The following SLC45A3 variants were observed in gnomAD, a reference collection of about 807,000 sequenced individuals.
SLC45A3 encodes prostate cancer associated protein 2.
Under a neutral mutation model 35.3 loss-of-function variants are expected in SLC45A3, and 17 were observed. The ratio of observed to expected loss-of-function variants is 0.48; its 90% CI spans 0.33 to 0.72. The LOEUF is 0.72. Among genes scored for constraint, SLC45A3 ranks in the 30% least tolerant of loss-of-function variants. The pLI is 0.02. For missense variants in SLC45A3, 597 were observed against 731.7 expected (o/e 0.82, Z 2.12); for synonymous variants, 288 against 334.3 (o/e 0.86, Z 1.51).
chr1:205,662,601 A>T lies in SLC45A3; in HGVS notation c.958+232T>A. On this transcript the variant is annotated intron_variant, in intron 3 of 4. Coordinates refer to ENST00000367145, the MANE Select transcript of SLC45A3 (RefSeq NM_033102.3). The surrounding 1 kb of genome is among the most constrained non-coding windows in gnomAD (Gnocchi z 6.2). Reference sequence around the variant, plus strand: ...TAAGCTCCGCCTTTCCTTCTGTCAAACTGGGGCAACGACTCTGATCAGACT... The same window carrying T: ...TAAGCTCCGCCTTTCCTTCTGTCAATCTGGGGCAACGACTCTGATCAGACT... 6 of 1,333,756 alleles carry T rather than the reference A, an allele frequency of 4.5e-6. No homozygotes were observed. Among genetic ancestry groups the T allele is most frequent in the Non-Finnish European group, 5.7e-6 (6 of 1,046,932 alleles). The allele number at this position is 1,333,756 out of a possible 1,614,324, so 82.6% of individuals were successfully genotyped here. A position where few individuals can be genotyped will look rare whatever the true frequency, so the allele number is the denominator to read the frequency against.
At position 205,658,482 on chromosome 1, in the gene SLC45A3, G is replaced by A. The variant is rs982527227; in HGVS notation, c.*752C>T. ...ACCAGCTATCTCAGGGGACCTGATTGTTGGGGATCCCCCACCCTACCCAAA... is the reference window on the plus strand; with the variant it reads ...ACCAGCTATCTCAGGGGACCTGATTATTGGGGATCCCCCACCCTACCCAAA... On this transcript the variant is annotated 3_prime_UTR_variant, in exon 5 of 5. Coordinates refer to ENST00000367145, the MANE Select transcript of SLC45A3 (RefSeq NM_033102.3). 3.0e-5 allele frequency: 7 copies of A among 233,066 alleles called. No homozygotes were observed. Among genetic ancestry groups the A allele is most frequent in the South Asian group, 1.8e-4 (1 of 5,522 alleles). 14.4% of individuals were successfully genotyped at this position (233,066 alleles called of 1,614,324 possible). A position where few individuals can be genotyped will look rare whatever the true frequency, so the allele number is the denominator to read the frequency against.
intron 1 of SLC45A3, among the ~76,000 whole-genome samples, chr1:205,671,679 G>A (rs1671216563): frequency 6.6e-6 from 1 of 152,140 alleles, no homozygotes; most frequent in African/African-American, 2.4e-5. Flanking sequence ...GGCCAAAATG[G>A]TGAAACCCCG....
chr1:205,676,680 G>A (rs750802840), intron 1 of SLC45A3, among the ~76,000 whole-genome samples: 1 of 152,186 alleles, frequency 6.6e-6, no homozygotes, highest in Non-Finnish European at 1.5e-5. Flanking sequence ...ACTTCTTCCC[G>A]TGGAGGGGAA....
intron 1 of SLC45A3, among the ~76,000 whole-genome samples, chr1:205,678,129 C>T (rs540864583): frequency 6.6e-6 from 1 of 152,156 alleles, no homozygotes; most frequent in East Asian, 1.9e-4. Flanking sequence ...CAAGCCTGGC[C>T]AACATGGTAA....
intron 1 of SLC45A3, among the ~76,000 whole-genome samples, chr1:205,668,138 C>T (rs1044962383): frequency 3.3e-5 from 5 of 152,122 alleles, no homozygotes; most frequent in Admixed American, 6.5e-5. Context: ...CTTCCCAGCC[C>T]GGAATTGCCT....
In SLC45A3 at chr1:205,667,205, C is replaced by G. The variant is rs146796133; in HGVS notation, c.-230-2319G>C. 9.8e-4 allele frequency among the ~76,000 whole-genome samples: 149 copies of G among 151,704 alleles called. 2 individuals are homozygous for G. The East Asian group carries it at 0.025, about 26-fold the overall frequency. ...GCAACATAGAAAGACCCTGTTTCTA[C>G]AAAAATAAAAATAAAATAGGCCAGG... On this transcript the variant is annotated intron_variant, in intron 1 of 4. Coordinates refer to ENST00000367145, the MANE Select transcript of SLC45A3 (RefSeq NM_033102.3).
At chr1:205,667,206 A>C (rs4951018) in intron 1 of SLC45A3, among the ~76,000 whole-genome samples, 32,456 of 152,046 alleles carry the variant, frequency 0.21, 3,908 homozygotes, top group East Asian at 0.35. Context: ...CTGTTTCTAC[A>C]AAAATAAAAA....
Position 205,670,942 on chromosome 1 carries a change from A to G in SLC45A3, c.-230-6056T>C, listed in dbSNP as rs531643003. On this transcript the variant is annotated intron_variant, in intron 1 of 4. Transcript: ENST00000367145. The stretch of plus-strand genomic sequence containing the variant: ...GGCTCCCTCCCCCCACTCACCCCCA[A>G]TGTGTGAAAACCCAACAGGTGGCTG... 7.2e-4 allele frequency among the ~76,000 whole-genome samples: 110 copies of G among 152,262 alleles called. 1 individual carries two copies. The highest frequency in any genetic ancestry group is 1.1e-3 in the Admixed American group (17 of 15,298).
chr1:205,679,461 C>T (rs547990309), intron 1 of SLC45A3, among the ~76,000 whole-genome samples: 39 of 152,246 alleles, frequency 2.6e-4, no homozygotes, highest in Admixed American at 8.5e-4. Flanking sequence ...AGGCCTGACC[C>T]GCACTAGGGA....
chr1:205,678,884 A>C (rs1671353996), intron 1 of SLC45A3, among the ~76,000 whole-genome samples: 2 of 152,144 alleles, frequency 1.3e-5, no homozygotes, highest in Admixed American at 6.6e-5. Context: ...CTTATCCCCT[A>C]CAATATGCTG....
In SLC45A3 at chr1:205,669,154, G is replaced by A. The variant is rs1002750742; in HGVS notation, c.-230-4268C>T. ...TCCTCCCACGTGCTCGCCACACACC[G>A]AGGACTTTGCAGGCCCAACTCCAGA... On this transcript the variant is annotated intron_variant, in intron 1 of 4. Coordinates refer to ENST00000367145, the MANE Select transcript of SLC45A3 (RefSeq NM_033102.3). The surrounding 1 kb of genome is among the most constrained non-coding windows in gnomAD (Gnocchi z 4.1). Among the ~76,000 whole-genome samples the A allele has an allele frequency of 1.3e-5, 2 of 152,182 alleles. No homozygotes were observed. The highest frequency in any genetic ancestry group is 1.3e-4 in the Admixed American group (2 of 15,278).
Position 205,659,151 on chromosome 1 carries a change from C to A in SLC45A3, c.*83G>T. ...GGCAGCAACAGAAACTGGCGGCCAG[C>A]CCGGCAGCCCCATGGGGCTAACAGG... On this transcript the variant is annotated 3_prime_UTR_variant, in exon 5 of 5. Coordinates refer to ENST00000367145, the MANE Select transcript of SLC45A3 (RefSeq NM_033102.3). This position sits in a 1 kb window ranked among gnomAD's most constrained non-coding sequence, Gnocchi z 5.8. 2.1e-6 allele frequency: 3 copies of A among 1,428,422 alleles called. No homozygotes were observed. The highest frequency in any genetic ancestry group is 2.9e-6 in the Non-Finnish European group (3 of 1,052,592). The allele number at this position is 1,428,422 out of a possible 1,614,324, so 88.5% of individuals were successfully genotyped here.
chr1:205,661,608 T>A (rs530588011), intron 4 of SLC45A3, among the ~76,000 whole-genome samples: 1 of 152,298 alleles, frequency 6.6e-6, no homozygotes, highest in South Asian at 2.1e-4. Context: ...ATTCCCACTA[T>A]CGTATTTTGC....
intron 4 of SLC45A3, among the ~76,000 whole-genome samples, chr1:205,661,344 G>A (rs1299029989): frequency 2.0e-5 from 3 of 152,154 alleles, no homozygotes; most frequent in Non-Finnish European, 4.4e-5. Flanking sequence ...AAAAGAAAAG[G>A]GAATTAGACA....
In SLC45A3 at chr1:205,663,121, C is replaced by A. The variant is rs772255682; in HGVS notation, c.670G>T (p.Gly224Cys). Reference sequence around the variant, plus strand: ...AGCCCTTCTGCTGGCTCGGTGGGGCCCAGCGCTGCCTCCTCAGCCACCAGC... The same window carrying A: ...AGCCCTTCTGCTGGCTCGGTGGGGCACAGCGCTGCCTCCTCAGCCACCAGC... Reference protein sequence around the residue: ...TLLVAEEAALGPTEPAEGLSA... With the variant: ...TLLVAEEAALCPTEPAEGLSA... The change falls in exon 3 of 5, where the codon GGC becomes TGC. Residue 224 changes from glycine to cysteine, a missense_variant. Gly to Cys is a radical substitution (Grantham distance 159). Transcript: ENST00000367145. 1.9e-6 allele frequency: 3 copies of A among 1,583,900 alleles called. No individual in the cohort carries two copies. The African/African-American group carries it at 4.0e-5, about 21-fold the overall frequency.
intron 1 of SLC45A3, among the ~76,000 whole-genome samples, chr1:205,678,345 TG>T (rs1039908024): frequency 2.0e-5 from 3 of 152,182 alleles, no homozygotes; most frequent in African/African-American, 7.2e-5. Flanking sequence ...TCTGACAGTC[TG>T]GGTTTTTATC....
intron 1 of SLC45A3, among the ~76,000 whole-genome samples, chr1:205,678,926 C>T (rs889613405): frequency 1.1e-4 from 17 of 152,212 alleles, no homozygotes; most frequent in African/African-American, 3.9e-4. Flanking sequence ...TCCCGTCTAG[C>T]CTGGGCCTCC....
intron 4 of SLC45A3, among the ~76,000 whole-genome samples, chr1:205,661,243 AGT>A (rs1250790165): frequency 6.6e-6 from 1 of 152,174 alleles, no homozygotes; most frequent in African/African-American, 2.4e-5. Flanking sequence ...ACAGTGCCCA[AGT>A]GAGTGGGTCA....
rs145880163 is a variant in SLC45A3 at position 205,664,558 on chromosome 1, G to A, written c.99C>T (p.Ala33=). Reference sequence around the variant, plus strand: ...GAGGCGGCACATAGGTGATGCCTGCGGCCAAACACACCTCCAGGCCAAAGG... The same window carrying A: ...GAGGCGGCACATAGGTGATGCCTGCAGCCAAACACACCTCCAGGCCAAAGG... The part of the protein sequence containing the change: ...LLTFGLEVCL[A]AGITYVPPLL... Residue 33 remains alanine, a synonymous_variant, in exon 2 of 5, where the codon GCC becomes GCT. Coordinates refer to ENST00000367145, the MANE Select transcript of SLC45A3 (RefSeq NM_033102.3). This position sits in a 1 kb window ranked among gnomAD's most constrained non-coding sequence, Gnocchi z 5.3. 3.9e-5 allele frequency: 63 copies of A among 1,614,088 alleles called. No individual in the cohort carries two copies. In the African/African-American group the frequency reaches 5.2e-4, roughly 13 times the overall value.
Sources: gnomAD v4.1 joint callset for allele counts (sites outside exome capture counted in the v4.1 genomes callset) on GRCh38, gnomAD v4.1.1 for gene constraint, Gnocchi (gnomAD v3.1) non-coding constraint, MANE v1.5 for transcripts, NCBI Gene and HGNC (gene_info 2026-07-23, HGNC 2026-07-21) for gene names.